Variants in COMMD9 observed in about 807,000 individuals in gnomAD.
COMMD9 encodes COMM domain-containing protein 9.
Under a neutral mutation model 23.4 loss-of-function variants are expected in COMMD9, and 22 were observed. The observed-to-expected ratio is 0.94, with a 90% CI of 0.67 to 1.34. The LOEUF (loss-of-function observed/expected upper bound fraction) is 1.34, where lower values mean the gene tolerates loss of function less well. Among genes scored for constraint, COMMD9 ranks in the 40% most tolerant of loss-of-function variants. The probability of loss-of-function intolerance (pLI) is 0.00; values close to 1 mark genes in which losing one functional copy is unlikely to be tolerated. For missense variants in COMMD9, 231 were observed against 240.2 expected, an observed-to-expected ratio of 0.96 and a Z score of 0.25; for synonymous variants, 99 against 97.4, an observed-to-expected ratio of 1.02 and a Z score of -0.10.
intron 3 of COMMD9, among the ~76,000 whole-genome samples, chr11:36,277,616 T>G (rs1335032344): frequency 2.0e-5 from 3 of 152,222 alleles, no homozygotes; most frequent in Admixed American, 6.5e-5. Flanking sequence ...GTTATTGCTA[T>G]TAGAGAGGTC....
In COMMD9 at chr11:36,274,647, G is replaced by C. The variant is rs143654028; in HGVS notation, c.582C>G (p.Ala194=). ...GCTGGCTGGATCATTTACTGGCCAC[G>C]GCAGAGAGTTGGTCTCGGATGCGGC... is the stretch of plus-strand genomic sequence containing the variant. ...GLGRIRDQLS[A]VASK is the part of the protein sequence containing the mutation. The change falls in exon 6 of 6, where the codon GCC becomes GCG. Residue 194 remains alanine, a synonymous_variant. Coordinates refer to ENST00000263401, the MANE Select transcript of COMMD9 (RefSeq NM_014186.4). The C allele has an allele frequency of 6.2e-7, 1 of 1,614,260 alleles. No homozygotes were observed. Among genetic ancestry groups the C allele is most frequent in the African/African-American group, 1.3e-5 (1 of 75,074 alleles).
At chr11:36,288,987 G>A (rs1856220398) in intron 1 of COMMD9, among the ~76,000 whole-genome samples, 1 of 152,094 alleles carries the variant, frequency 6.6e-6, no homozygotes, top group Non-Finnish European at 1.5e-5. Flanking sequence ...GGCAGACGCA[G>A]TAGGAGATAA....
intron 2 of COMMD9, among the ~76,000 whole-genome samples, chr11:36,280,249 G>C (rs1479856796): frequency 6.6e-6 from 1 of 152,212 alleles, no homozygotes; most frequent in African/African-American, 2.4e-5. Context: ...TTGGCTACCT[G>C]CTGAGATCAG....
At chr11:36,280,610 G>A in intron 2 of COMMD9, 102 bp downstream of exon 2, 1 of 1,209,696 alleles carries the variant, frequency 8.3e-7, no homozygotes, top group Non-Finnish European at 1.1e-6. Flanking sequence ...AGTGTCAACA[G>A]ATGTTTCAAG....
rs542956394 is a variant in COMMD9 at position 36,272,774 on chromosome 11, G to T, written c.*1858C>A. 1.3e-5 allele frequency: 2 copies of T among 152,152 alleles called. No homozygotes were observed. The highest frequency in any genetic ancestry group is 2.9e-5 in the Non-Finnish European group (2 of 68,040). 9.4% of individuals were successfully genotyped at this position (152,152 alleles called of 1,614,324 possible). A position where few individuals can be genotyped will look rare whatever the true frequency, so the allele number is the denominator to read the frequency against. On this transcript the variant is annotated 3_prime_UTR_variant, in exon 6 of 6. Coordinates refer to ENST00000263401, the MANE Select transcript of COMMD9 (RefSeq NM_014186.4). ...TCAGTTTCAACATTTTCCAAATGGC[G>T]CTAGTCACAGAATTATATGTTCCTT...
Position 36,276,385 on chromosome 11 carries a change from C to T in COMMD9, c.353-145G>A, listed in dbSNP as rs139733392. On this transcript the variant is annotated intron_variant, in intron 4 of 5. Transcript: ENST00000263401. ...CTGAGAAAGACAGATAAACAAAGCC[C>T]GAGACCCACAGCGAGTCATGTGCCT... The T allele has an allele frequency of 9.7e-6, 6 of 619,162 alleles. No homozygotes were observed. In the Admixed American group the frequency reaches 1.0e-4, roughly 11 times the overall value. The allele number at this position is 619,162 out of a possible 1,614,324, so 38.4% of individuals were successfully genotyped here.
chr11:36,278,170 G>A (rs370410085), intron 3 of COMMD9: 145 of 273,564 alleles, frequency 5.3e-4, no homozygotes, highest in African/African-American at 3.0e-3. Flanking sequence ...TTTCACTATC[G>A]TTAATACTGT....
At chr11:36,286,996 T>C (rs1856169271) in intron 1 of COMMD9, among the ~76,000 whole-genome samples, 1 of 151,978 alleles carries the variant, frequency 6.6e-6, no homozygotes, top group Non-Finnish European at 1.5e-5. Flanking sequence ...CCATTTATCC[T>C]TTACCCAATT....
intron 5 of COMMD9, among the ~76,000 whole-genome samples, 155 bp from the exon 6 acceptor site, chr11:36,274,927 T>C (rs1366421095): frequency 6.6e-6 from 1 of 152,218 alleles, no homozygotes; most frequent in Non-Finnish European, 1.5e-5. Flanking sequence ...TTGGGTCATT[T>C]AGCAGTAAGG....
chr11:36,276,249 G>A lies in COMMD9; in HGVS notation c.353-9C>T, dbSNP rs752289566. The A allele has an allele frequency of 3.7e-6, 6 of 1,600,998 alleles. No individual in the cohort carries two copies. In the South Asian group the frequency reaches 6.6e-5, roughly 18 times the overall value. ...CAGGCGTGGCAGAGAGACTGTGGAA[G>A]GAACAGCTCAGCTCAATGCTCATGC... On this transcript the variant is annotated splice_polypyrimidine_tract_variant and intron_variant, in intron 4 of 5. Coordinates refer to ENST00000263401, the MANE Select transcript of COMMD9 (RefSeq NM_014186.4).
At chr11:36,287,056 T>C (rs201050783) in intron 1 of COMMD9, among the ~76,000 whole-genome samples, 11 of 151,200 alleles carry the variant, frequency 7.3e-5, no homozygotes, top group African/African-American at 1.5e-4. Context: ...ATATGTATAC[T>C]ACATACTATG....
chr11:36,281,041 G>A lies in COMMD9; in HGVS notation c.52-204C>T, dbSNP rs570269472. Reference sequence around the variant, plus strand: ...CAACCAAAAACTTTGGACATATACAGAAAACATACATAAGACTCTGGAAGC... The same window carrying A: ...CAACCAAAAACTTTGGACATATACAAAAAACATACATAAGACTCTGGAAGC... On this transcript the variant is annotated intron_variant, in intron 1 of 5. Coordinates refer to ENST00000263401, the MANE Select transcript of COMMD9 (RefSeq NM_014186.4). Among the ~76,000 whole-genome samples, 300 of 152,220 alleles carry A rather than the reference G, an allele frequency of 2.0e-3. 1 individual carries two copies. Among genetic ancestry groups the A allele is most frequent in the African/African-American group, 6.8e-3 (282 of 41,536 alleles).
At chr11:36,285,553 G>A (rs1186866785) in intron 1 of COMMD9, among the ~76,000 whole-genome samples, 5 of 152,082 alleles carry the variant, frequency 3.3e-5, no homozygotes, top group African/African-American at 9.6e-5. Context: ...GCACAAAATT[G>A]TACAGAAAAA....
Position 36,274,010 on chromosome 11 carries a change from G to C in COMMD9, c.*622C>G. The C allele has an allele frequency of 8.7e-6, 2 of 229,046 alleles. No homozygotes were observed. The highest frequency in any genetic ancestry group is 1.2e-4 in the South Asian group (2 of 16,572). The allele number at this position is 229,046 out of a possible 1,614,324, so 14.2% of individuals were successfully genotyped here. A position where few individuals can be genotyped will look rare whatever the true frequency, so the allele number is the denominator to read the frequency against. ...CCAATTATTCCCACTTCTTCACCTAGGAGTGGCTGCATTAGATGAAGGAAG... is the reference window on the plus strand; with the variant it reads ...CCAATTATTCCCACTTCTTCACCTACGAGTGGCTGCATTAGATGAAGGAAG... On this transcript the variant is annotated 3_prime_UTR_variant, in exon 6 of 6. Coordinates refer to ENST00000263401, the MANE Select transcript of COMMD9 (RefSeq NM_014186.4).
At position 36,280,602 on chromosome 11, in the gene COMMD9, T is replaced by C. The variant is rs928238531; in HGVS notation, c.177+110A>G. The C allele has an allele frequency of 8.2e-6, 9 of 1,103,430 alleles. 1 individual carries two copies. The South Asian group carries it at 1.4e-4, about 17-fold the overall frequency. The allele number at this position is 1,103,430 out of a possible 1,614,324, so 68.4% of individuals were successfully genotyped here. On this transcript the variant is annotated intron_variant, in intron 2 of 5. Transcript: ENST00000263401. ...TCCCATTTATAAAAGTTTGCTACAG[T>C]GTCAACAGATGTTTCAAGGGATTTT...
intron 2 of COMMD9, among the ~76,000 whole-genome samples, chr11:36,279,031 G>A (rs112025507): frequency 0.016 from 2,395 of 152,262 alleles, 66 homozygotes; most frequent in African/African-American, 0.055. Context: ...GGACTGAGAG[G>A]ACTGCATAAA....
Position 36,276,220 on chromosome 11 carries a change from C to T in COMMD9, c.373G>A (p.Asp125Asn), listed in dbSNP as rs773702406. 11 of 1,613,832 alleles carry T rather than the reference C, an allele frequency of 6.8e-6. No homozygotes were observed. The highest frequency in any genetic ancestry group is 1.6e-4 in the Middle Eastern group (1 of 6,084). Residue 125 changes from aspartate to asparagine, a missense_variant, in exon 5 of 6, where the codon GAT becomes AAT. Physicochemically the swap from Asp to Asn is conservative, Grantham distance 23 (BLOSUM62 1). Coordinates refer to ENST00000263401, the MANE Select transcript of COMMD9 (RefSeq NM_014186.4). ...ANQISLPRLV[D>N]LDWRVDIKTS... ...TTGATATCCACTCTCCAGTCCAGAT[C>T]GACCAGGCGTGGCAGAGAGACTGTG...
At chr11:36,286,829 T>G (rs562428678) in intron 1 of COMMD9, among the ~76,000 whole-genome samples, 2 of 152,292 alleles carry the variant, frequency 1.3e-5, no homozygotes, top group East Asian at 3.9e-4. Flanking sequence ...ACTGTATTAT[T>G]CCATTTATAC....
chr11:36,285,551 T>C (rs1448110515), intron 1 of COMMD9, among the ~76,000 whole-genome samples: 2 of 151,890 alleles, frequency 1.3e-5, no homozygotes, highest in East Asian at 3.9e-4. Flanking sequence ...CCGCACAAAA[T>C]TGTACAGAAA....
Sources: allele counts gnomAD v4.1 joint callset (sites outside exome capture counted in the v4.1 genomes callset), GRCh38; gene constraint gnomAD v4.1.1; transcripts MANE v1.5; gene names NCBI Gene and HGNC (gene_info 2026-07-23, HGNC 2026-07-21).